TCF12: variants seen among roughly 807,000 people sequenced by gnomAD.
TCF12 encodes transcription factor 12, also known as DNA-binding protein HTF4.
Under a neutral mutation model 86.0 loss-of-function variants are expected in TCF12, and 45 were observed. The observed-to-expected ratio is 0.52, with a 90% CI of 0.41 to 0.67. The LOEUF (loss-of-function observed/expected upper bound fraction) is 0.67. Among genes scored for constraint, TCF12 ranks in the 30% least tolerant of loss-of-function variants. TCF12 has a pLI of 0.00. For synonymous variants in TCF12, 330 were observed against 299.6 expected (o/e 1.10, Z -1.05); for missense variants, 881 against 859.9 (o/e 1.02, Z -0.31).
At chr15:56,977,558 T>C (rs1297620530) in intron 3 of TCF12, among the ~76,000 whole-genome samples, 1 of 149,260 alleles carries the variant, frequency 6.7e-6, no homozygotes, top group Non-Finnish European at 1.5e-5. Context: ...TGTGTGTGTG[T>C]GTGTGTATGT....
At chr15:57,075,800 TTCTTTC>T (rs1241951232) in intron 4 of TCF12, among the ~76,000 whole-genome samples, 199 of 20,334 alleles carry the variant, frequency 9.8e-3, no homozygotes, top group Non-Finnish European at 0.011. Flanking sequence ...CTTTCTTTCT[TTCTTTC>T]TCTCTCTCTC....
Position 57,216,259 on chromosome 15 carries a change from T to C in TCF12, c.580-14893T>C, listed in dbSNP as rs762766379. Among the ~76,000 whole-genome samples the C allele has an allele frequency of 1.6e-4, 24 of 152,166 alleles. 1 individual carries two copies. Among genetic ancestry groups the C allele is most frequent in the Admixed American group, 7.2e-4 (11 of 15,274 alleles). On this transcript the variant is annotated intron_variant, in intron 8 of 20. Coordinates refer to ENST00000333725, the MANE Select transcript of TCF12 (RefSeq NM_207037.2). Reference sequence around the variant, plus strand: ...AGTTACGTATTTTGTCAGGGTCCTCTGGCATTTTCACTAGTCATTTTGCTA... The same window carrying C: ...AGTTACGTATTTTGTCAGGGTCCTCCGGCATTTTCACTAGTCATTTTGCTA...
intron 8 of TCF12, among the ~76,000 whole-genome samples, chr15:57,221,865 A>G (rs573475943): frequency 2.0e-5 from 3 of 152,246 alleles, no homozygotes; most frequent in East Asian, 3.9e-4. Flanking sequence ...GTATGTAATT[A>G]CATTGTCTCA....
intron 5 of TCF12, among the ~76,000 whole-genome samples, chr15:57,127,389 TTAA>T (rs1451894480): frequency 1.3e-5 from 2 of 152,180 alleles, no homozygotes; most frequent in African/African-American, 4.8e-5. Flanking sequence ...ACAAAAATGG[TTAA>T]TATTTTCATC....
intron 16 of TCF12, among the ~76,000 whole-genome samples, chr15:57,258,814 A>G (rs943103009): frequency 7.2e-5 from 11 of 152,180 alleles, no homozygotes; most frequent in African/African-American, 2.2e-4. Context: ...TAGAGAAACT[A>G]TATTTTTCTT....
rs1231246163 is a variant in TCF12, at chr15:57,248,443, G to GGA, written c.1115-2905_1115-2904dup. 8.5e-5 allele frequency among the ~76,000 whole-genome samples: 13 copies of GGA among 152,286 alleles called. No homozygotes were observed. The East Asian group carries it at 2.5e-3, about 29-fold the overall frequency. ...GCAGTAAGAGAATAAGTTTACTAAG[G>GGA]GAGCTTGGAAGGCAAACAAGCAAAG... On this transcript the variant is annotated intron_variant, in intron 13 of 20. Transcript: ENST00000333725.
intron 3 of TCF12, among the ~76,000 whole-genome samples, chr15:56,963,048 T>A (rs1229532260): frequency 6.7e-6 from 1 of 148,598 alleles, no homozygotes; most frequent in East Asian, 2.1e-4. Flanking sequence ...TTTTTTTTTT[T>A]TACCTTCTGT....
chr15:57,095,778 C>G (rs1386214020), intron 5 of TCF12, among the ~76,000 whole-genome samples: 2 of 152,094 alleles, frequency 1.3e-5, no homozygotes, highest in African/African-American at 4.8e-5. Context: ...CTTTACCTTT[C>G]TGATAGGGTA....
intron 13 of TCF12, chr15:57,247,739 A>G: frequency 1.4e-6 from 1 of 734,478 alleles, no homozygotes. Flanking sequence ...TGGTTCCACT[A>G]CACACCTGTC....
intron 8 of TCF12, chr15:57,214,214 C>T (rs1597367170): frequency 6.6e-6 from 1 of 152,184 alleles, no homozygotes; most frequent in Non-Finnish European, 1.5e-5. Context: ...TCAAAAGAAA[C>T]GTGCAATTTG....
intron 4 of TCF12, among the ~76,000 whole-genome samples, chr15:57,083,199 G>A (rs2048420869): frequency 6.6e-6 from 1 of 152,108 alleles, no homozygotes; most frequent in Non-Finnish European, 1.5e-5. Flanking sequence ...ATTACATAGG[G>A]GTTTAAACTA....
intron 8 of TCF12, among the ~76,000 whole-genome samples, chr15:57,223,643 G>GTTTTTTGTTTTTTTTTTTTTTT (rs1456806093): frequency 1.4e-5 from 1 of 69,666 alleles, no homozygotes; most frequent in Non-Finnish European, 2.8e-5. Flanking sequence ...TACCAATGAG[G>GTTTTTTGTTTTTTTTTTTTTTT]TTTTTTTTTT....
chr15:56,978,299 C>T (rs1025450487), intron 3 of TCF12, among the ~76,000 whole-genome samples: 3 of 152,026 alleles, frequency 2.0e-5, no homozygotes, highest in African/African-American at 7.2e-5. Context: ...AAAGAAAAAC[C>T]GTGATTCCAC....
intron 5 of TCF12, among the ~76,000 whole-genome samples, chr15:57,106,270 G>A (rs2050125831): frequency 6.6e-6 from 1 of 152,214 alleles, no homozygotes; most frequent in African/African-American, 2.4e-5. Flanking sequence ...GAGTTTAGTT[G>A]ATAGTAATGC....
intron 3 of TCF12, among the ~76,000 whole-genome samples, chr15:57,042,894 T>G (rs2066990250): frequency 6.6e-6 from 1 of 152,196 alleles, no homozygotes; most frequent in Admixed American, 6.5e-5. Context: ...TGACTGAAAC[T>G]CTGTCCCTAT....
chr15:57,062,284 C>G (rs930162941), intron 3 of TCF12, among the ~76,000 whole-genome samples: 4 of 151,930 alleles, frequency 2.6e-5, no homozygotes, highest in Non-Finnish European at 5.9e-5. Context: ...ATGACATTCC[C>G]CAAACTCATA....
At chr15:57,148,306 C>T (rs780494735) in intron 5 of TCF12, among the ~76,000 whole-genome samples, 7 of 151,642 alleles carry the variant, frequency 4.6e-5, no homozygotes, top group Admixed American at 2.0e-4. Flanking sequence ...TGCAAATGCA[C>T]CTGTAGTCCC....
intron 6 of TCF12, among the ~76,000 whole-genome samples, chr15:57,171,921 A>T (rs903862745): frequency 3.3e-5 from 5 of 152,224 alleles, no homozygotes. Context: ...TTATTCACAT[A>T]GTTTCATAAG....
intron 13 of TCF12, among the ~76,000 whole-genome samples, chr15:57,245,327 C>T (rs985940993): frequency 1.3e-5 from 2 of 152,168 alleles, no homozygotes; most frequent in East Asian, 3.8e-4. Context: ...AACAGCTGTT[C>T]CCCACATAGA....
Sources: gnomAD v4.1 joint callset for allele counts (sites outside exome capture counted in the v4.1 genomes callset) on GRCh38, gnomAD v4.1.1 for gene constraint, MANE v1.5 for transcripts, NCBI Gene and HGNC (gene_info 2026-07-23, HGNC 2026-07-21) for gene names.